The following GALNT17 variants were observed in gnomAD, a reference collection of about 807,000 sequenced individuals.
GALNT17 encodes UDP-GalNAc:polypeptide N-acetylgalactosaminyltransferase-like 3.
In GALNT17, 29 loss-of-function variants were observed where a neutral mutation model predicts 63.7. The observed-to-expected ratio is 0.46, with a 90% CI of 0.34 to 0.62. The LOEUF is 0.62. Among genes scored for constraint, GALNT17 ranks in the 20% least tolerant of loss-of-function variants. GALNT17 has a pLI of 0.01. For missense variants in GALNT17, 603 were observed against 799.6 expected (o/e 0.75, Z 2.97); for synonymous variants, 305 against 318.3 (o/e 0.96, Z 0.45).
intron 8 of GALNT17, among the ~76,000 whole-genome samples, chr7:71,673,695 G>A (rs1791104859): frequency 6.6e-6 from 1 of 152,158 alleles, no homozygotes; most frequent in South Asian, 2.1e-4. Context: ...GCTCACTGTA[G>A]CCTTGAACTC....
At chr7:71,371,865 C>T (rs1792629718) in intron 2 of GALNT17, among the ~76,000 whole-genome samples, 1 of 152,162 alleles carries the variant, frequency 6.6e-6, no homozygotes, top group African/African-American at 2.4e-5. Context: ...GTTTGTGGTA[C>T]CTTCTAGGTA....
intron 1 of GALNT17, among the ~76,000 whole-genome samples, chr7:71,322,292 G>A (rs115681477): frequency 0.031 from 4,733 of 152,086 alleles, 200 homozygotes; most frequent in African/African-American, 0.088. Flanking sequence ...AAAGCTATTC[G>A]GAGGATCAAA....
intron 9 of GALNT17, among the ~76,000 whole-genome samples, chr7:71,704,483 A>G (rs1163693053): frequency 8.7e-6 from 1 of 114,292 alleles, no homozygotes; most frequent in African/African-American, 3.1e-5. Context: ...CAAAATGCCA[A>G]CTGCCTTTTT....
At chr7:71,333,737 C>G (rs1257786914) in intron 1 of GALNT17, among the ~76,000 whole-genome samples, 1 of 152,112 alleles carries the variant, frequency 6.6e-6, no homozygotes, top group African/African-American at 2.4e-5. Context: ...CTCAGGTGAT[C>G]ACCTCAGCCT....
chr7:71,147,077 TC>T (rs1449277422), intron 1 of GALNT17, among the ~76,000 whole-genome samples: 1 of 152,190 alleles, frequency 6.6e-6, no homozygotes, highest in Non-Finnish European at 1.5e-5. Context: ...TTACTTTATT[TC>T]TAGGGACCAA....
At chr7:71,178,797 C>T (rs544167349) in intron 1 of GALNT17, among the ~76,000 whole-genome samples, 6 of 152,186 alleles carry the variant, frequency 3.9e-5, no homozygotes, top group South Asian at 2.1e-4. Flanking sequence ...AATTCTTGGA[C>T]GTATGTATAA....
chr7:71,338,949 A>G (rs1357518277), intron 2 of GALNT17, among the ~76,000 whole-genome samples: 1 of 152,208 alleles, frequency 6.6e-6, no homozygotes, highest in Non-Finnish European at 1.5e-5. Context: ...AATCACTAGG[A>G]AAATATACAT....
chr7:71,488,826 C>T (rs1260406102), intron 5 of GALNT17, among the ~76,000 whole-genome samples: 1 of 149,682 alleles, frequency 6.7e-6, no homozygotes, highest in Admixed American at 6.7e-5. Flanking sequence ...AAGTGATCCA[C>T]CTGCCTCAAC....
chr7:71,589,259 G>A (rs936508250), intron 6 of GALNT17, among the ~76,000 whole-genome samples: 3 of 152,126 alleles, frequency 2.0e-5, no homozygotes, highest in Non-Finnish European at 4.4e-5. Context: ...ATGTTATTAC[G>A]TTAAATGGGA....
At chr7:71,167,541 C>A (rs1788465213) in intron 1 of GALNT17, among the ~76,000 whole-genome samples, 1 of 151,986 alleles carries the variant, frequency 6.6e-6, no homozygotes, top group African/African-American at 2.4e-5. Context: ...CTAATGTGTG[C>A]CTTGTCTTCT....
chr7:71,160,609 C>T (rs2116248540), intron 1 of GALNT17, among the ~76,000 whole-genome samples: 1 of 152,246 alleles, frequency 6.6e-6, no homozygotes, highest in East Asian at 1.9e-4. Context: ...CAGGTGCCTG[C>T]TACCATGCCT....
intron 3 of GALNT17, among the ~76,000 whole-genome samples, chr7:71,392,673 G>A (rs1457055941): frequency 6.6e-6 from 1 of 152,074 alleles, no homozygotes; most frequent in Non-Finnish European, 1.5e-5. Context: ...TAAGAAAATG[G>A]GAGGAGGAGG....
At chr7:71,450,558 A>C (rs1477215503) in intron 5 of GALNT17, among the ~76,000 whole-genome samples, 1 of 152,192 alleles carries the variant, frequency 6.6e-6, no homozygotes, top group Non-Finnish European at 1.5e-5. Flanking sequence ...TATTTTAAAC[A>C]TTTAAAGTGT....
intron 1 of GALNT17, among the ~76,000 whole-genome samples, chr7:71,292,227 G>C (rs2115824570): frequency 6.6e-6 from 1 of 152,270 alleles, no homozygotes; most frequent in Admixed American, 6.5e-5. Context: ...GAAACGAACT[G>C]GCTTAGAGTA....
intron 1 of GALNT17, among the ~76,000 whole-genome samples, chr7:71,224,013 TTGA>T (rs1448332676): frequency 2.6e-5 from 4 of 152,176 alleles, no homozygotes; most frequent in African/African-American, 9.7e-5. Context: ...CACTTGTATT[TTGA>T]TGAGGTTTCA....
At chr7:71,199,314 CT>C (rs776217692) in intron 1 of GALNT17, among the ~76,000 whole-genome samples, 98 of 152,258 alleles carry the variant, frequency 6.4e-4, no homozygotes, top group Non-Finnish European at 1.3e-3. Context: ...TGTTAGAACA[CT>C]ACTGTTCCTA....
chr7:71,507,694 T>C (rs1481816655), intron 5 of GALNT17, among the ~76,000 whole-genome samples: 2 of 152,362 alleles, frequency 1.3e-5, no homozygotes, highest in African/African-American at 4.8e-5. Flanking sequence ...TGAATTTGCA[T>C]CTTCTGATTA....
intron 5 of GALNT17, among the ~76,000 whole-genome samples, chr7:71,509,051 C>A (rs765701024): frequency 6.6e-6 from 1 of 152,154 alleles, no homozygotes; most frequent in South Asian, 2.1e-4. Context: ...GTTTGCCTTA[C>A]GATGGTTCGA....
intron 2 of GALNT17, among the ~76,000 whole-genome samples, chr7:71,364,321 C>T (rs1792461849): frequency 6.6e-6 from 1 of 152,090 alleles, no homozygotes; most frequent in African/African-American, 2.4e-5. Context: ...CTTGGTGCTC[C>T]CACACAGTTT....
Sources: allele counts gnomAD v4.1 joint callset (sites outside exome capture counted in the v4.1 genomes callset), GRCh38; gene constraint gnomAD v4.1.1; transcripts MANE v1.5; gene names NCBI Gene and HGNC (gene_info 2026-07-23, HGNC 2026-07-21).